KLC4: variants seen among roughly 807,000 people sequenced by gnomAD.
KLC4 encodes kinesin-like protein 8.
In KLC4, 49 loss-of-function variants were observed where a neutral mutation model predicts 77.2. That is an observed-to-expected ratio of 0.63 (90% confidence interval 0.50 to 0.80). The LOEUF (loss-of-function observed/expected upper bound fraction) is 0.80. KLC4 is among the 30% of genes least tolerant of loss of function. The probability of loss-of-function intolerance (pLI) is 0.00; values close to 1 mark genes in which losing one functional copy is unlikely to be tolerated. For missense variants in KLC4, 669 were observed against 793.5 expected, an observed-to-expected ratio of 0.84 and a Z score of 1.89; for synonymous variants, 274 against 314.5, an observed-to-expected ratio of 0.87 and a Z score of 1.36.
At position 43,061,434 on chromosome 6, in the gene KLC4, A is replaced by G; in HGVS notation, c.99A>G (p.Leu33=). 1.2e-6 allele frequency: 2 copies of G among 1,614,206 alleles called. No homozygotes were observed. The highest frequency in any genetic ancestry group is 1.7e-6 in the Non-Finnish European group (2 of 1,180,042). The change falls in exon 2 of 16, where the codon CTA becomes CTG. Residue 33 remains leucine, a synonymous_variant. Transcript: ENST00000347162. ...LGSTRLVSQG[L]EALRSEHQAV... ...GCACACGGCTGGTCAGCCAAGGGCT[A>G]GAGGCCCTACGCAGTGAACACCAGG...
intron 6 of KLC4, among the ~76,000 whole-genome samples, chr6:43,069,174 T>C (rs1324150961): frequency 2.0e-5 from 3 of 152,126 alleles, no homozygotes; most frequent in Admixed American, 1.3e-4. Flanking sequence ...AGTAGAGATA[T>C]CACGCCAAGG....
At chr6:43,063,639 C>T (rs757724255) in intron 3 of KLC4, among the ~76,000 whole-genome samples, 9 of 151,924 alleles carry the variant, frequency 5.9e-5, no homozygotes, top group Non-Finnish European at 8.8e-5. Context: ...CAGCAACCTC[C>T]GCCTCCCGGG....
At chr6:43,070,933 G>GGGGGGGGGGGGGGC in intron 8 of KLC4, 68 bp downstream of exon 8, 1 of 360,516 alleles carries the variant, frequency 2.8e-6, no homozygotes, top group South Asian at 2.3e-5. Flanking sequence ...GGGAGGGGGG[G>GGGGGGGGGGGGGGC]CAGGCGGAGA....
chr6:43,063,517 G>A (rs4714658), intron 3 of KLC4, among the ~76,000 whole-genome samples: 15,084 of 151,782 alleles, frequency 0.099, 1,114 homozygotes, highest in East Asian at 0.19. Context: ...ACCCAGTTGA[G>A]CATGACCCTC....
intron 1 of KLC4, 44 bp downstream of exon 1, chr6:43,059,729 G>A: frequency 1.6e-6 from 2 of 1,255,400 alleles, no homozygotes; most frequent in Non-Finnish European, 2.0e-6. Flanking sequence ...TAAGGTCTCT[G>A]CCATCTCTTA....
chr6:43,063,708 C>T (rs1765283283), intron 3 of KLC4, among the ~76,000 whole-genome samples: 2 of 152,160 alleles, frequency 1.3e-5, no homozygotes, highest in Admixed American at 1.3e-4. Context: ...CACCTGCCAC[C>T]ACGCCTGGCT....
At chr6:43,061,261 G>A in intron 1 of KLC4, 50 bp from the exon 2 acceptor site, 2 of 1,555,364 alleles carry the variant, frequency 1.3e-6, no homozygotes, top group Non-Finnish European at 1.7e-6. Flanking sequence ...AAGTTGCTCA[G>A]CTTCTCTGTC....
chr6:43,061,765 C>A (rs898119497), intron 2 of KLC4, among the ~76,000 whole-genome samples, 172 bp downstream of exon 2: 3 of 152,296 alleles, frequency 2.0e-5, no homozygotes, highest in Non-Finnish European at 4.4e-5. Context: ...TGAAGAGATA[C>A]ATCATTGAAC....
chr6:43,069,160 C>T (rs1765602712), intron 6 of KLC4, among the ~76,000 whole-genome samples: 1 of 151,798 alleles, frequency 6.6e-6, no homozygotes, highest in African/African-American at 2.4e-5. Flanking sequence ...GAGAAACAAC[C>T]TTAAGTAGAG....
intron 5 of KLC4, 55 bp from the exon 6 acceptor site, chr6:43,066,941 G>T (rs1419909615): frequency 6.3e-7 from 1 of 1,577,792 alleles, no homozygotes; most frequent in Non-Finnish European, 8.6e-7. Context: ...GGGAAGGAGG[G>T]AAGGAGAAGG....
At chr6:43,068,135 A>G (rs1408977167) in intron 6 of KLC4, among the ~76,000 whole-genome samples, 1 of 147,790 alleles carries the variant, frequency 6.8e-6, no homozygotes, top group African/African-American at 2.5e-5. Flanking sequence ...AAAAAAAAAA[A>G]AAAAGAAAAT....
intron 15 of KLC4, among the ~76,000 whole-genome samples, chr6:43,074,173 ATAAGT>A (rs2150360372): frequency 6.6e-6 from 1 of 152,334 alleles, no homozygotes; most frequent in Non-Finnish European, 1.5e-5. Flanking sequence ...ATAGTAGCAA[ATAAGT>A]TAATAAGGAG....
intron 15 of KLC4, 45 bp downstream of exon 15, chr6:43,074,010 G>C (rs1487196896): frequency 6.8e-7 from 1 of 1,477,410 alleles, no homozygotes; most frequent in Non-Finnish European, 9.3e-7. Flanking sequence ...AGGAAAAAAG[G>C]ACAGCCAGTG....
In KLC4 at chr6:43,072,212, C is replaced by G; in HGVS notation, c.1445C>G (p.Ala482Gly). Residue 482 changes from alanine to glycine, a missense_variant, in exon 12 of 16, where the codon GCT becomes GGT. Physicochemically the swap from Ala to Gly is moderately conservative, Grantham distance 60. Coordinates refer to ENST00000347162, the MANE Select transcript of KLC4 (RefSeq NM_201521.3). ...TATAGGCGCCAGGGAAAGCTGGAGG[C>G]TGCTGAGACCCTGGAGGAATGTGCC... ...ALYRRQGKLE[A>G]AETLEECALR... 6.2e-7 allele frequency: 1 copy of G among 1,614,178 alleles called. No homozygotes were observed. The highest frequency in any genetic ancestry group is 8.5e-7 in the Non-Finnish European group (1 of 1,180,010).
At chr6:43,060,938 C>A in intron 1 of KLC4, 1 of 208,768 alleles carries the variant, frequency 4.8e-6, no homozygotes, top group Non-Finnish European at 9.7e-6. Context: ...CCATTTGCAG[C>A]TCTCCCACAG....
intron 11 of KLC4, 42 bp from the exon 12 acceptor site, chr6:43,072,105 A>G (rs759102945): frequency 6.5e-7 from 1 of 1,535,770 alleles, no homozygotes; most frequent in African/African-American, 1.4e-5. Flanking sequence ...TTGTTTTCTG[A>G]ACTCATTCTC....
At chr6:43,068,777 C>T (rs576303470) in intron 6 of KLC4, among the ~76,000 whole-genome samples, 1 of 152,276 alleles carries the variant, frequency 6.6e-6, no homozygotes, top group East Asian at 1.9e-4. Flanking sequence ...CACCACTGCA[C>T]TCCAGCCTGG....
At chr6:43,062,691 A>C in intron 2 of KLC4, 1 of 572,924 alleles carries the variant, frequency 1.7e-6, no homozygotes, top group Non-Finnish European at 3.1e-6. Flanking sequence ...AAGTTATTGT[A>C]ATAATTTGGG....
chr6:43,066,495 C>T lies in KLC4; in HGVS notation c.761C>T (p.Thr254Ile). ...GGCCGTGGCCACCCTGATGTCGCCA[C>T]CATGCTCAACATCCTTGCTTTGGTG... ...TSGRGHPDVA[T>I]MLNILALVYR... The change falls in exon 5 of 16, where the codon ACC (threonine) becomes ATC (isoleucine). Residue 254 changes from threonine (T) to isoleucine (I), a missense_variant. Coordinates refer to ENST00000347162, the MANE Select transcript of KLC4 (RefSeq NM_201521.3). 6.2e-7 allele frequency: 1 copy of T among 1,613,666 alleles called. No individual in the cohort carries two copies. The highest frequency in any genetic ancestry group is 8.5e-7 in the Non-Finnish European group (1 of 1,179,750).
Sources: gnomAD v4.1 joint callset for allele counts (sites outside exome capture counted in the v4.1 genomes callset) on GRCh38, gnomAD v4.1.1 for gene constraint, MANE v1.5 for transcripts, NCBI Gene and HGNC (gene_info 2026-07-23, HGNC 2026-07-21) for gene names.